Variants in RPS6KC1 observed in about 807,000 individuals in gnomAD.
The protein encoded by RPS6KC1 is ribosomal protein S6 kinase C1.
Under a neutral mutation model 103.8 loss-of-function variants are expected in RPS6KC1, and 54 were observed. That is an observed-to-expected ratio of 0.52 (90% CI 0.42 to 0.65). The LOEUF (loss-of-function observed/expected upper bound fraction) is 0.65. RPS6KC1 is among the 30% of genes least tolerant of loss of function. The probability of loss-of-function intolerance (pLI) is 0.00; values close to 1 mark genes in which losing one functional copy is unlikely to be tolerated. For missense variants in RPS6KC1, 1,151 were observed against 1,253.8 expected, an observed-to-expected ratio of 0.92 and a Z score of 1.24; for synonymous variants, 439 against 438.7, an observed-to-expected ratio of 1.00 and a Z score of -0.01.
At chr1:213,782,955 C>G in the RPS6KC1 span, among the ~76,000 whole-genome samples, 1 of 152,300 alleles carries the variant, frequency 6.6e-6, no homozygotes, top group South Asian at 2.1e-4. Context: ...CAGGCCTCCT[C>G]TGGCTTTCTT....
chr1:213,297,301 G>A, the RPS6KC1 span, among the ~76,000 whole-genome samples: 1 of 152,164 alleles, frequency 6.6e-6, no homozygotes, highest in South Asian at 2.1e-4. Flanking sequence ...TACTACTAGG[G>A]CCATACTAGC....
intron 1 of RPS6KC1, among the ~76,000 whole-genome samples, chr1:213,066,290 A>T (rs2078324991): frequency 6.6e-6 from 1 of 152,240 alleles, no homozygotes; most frequent in African/African-American, 2.4e-5. Context: ...ACCAAAGAGG[A>T]AAGAGAATCA....
intron 12 of RPS6KC1, among the ~76,000 whole-genome samples, chr1:213,260,256 A>G (rs940940974): frequency 6.6e-6 from 1 of 152,180 alleles, no homozygotes; most frequent in Non-Finnish European, 1.5e-5. Context: ...GAGAGCAGCT[A>G]GTTGGAGAAT....
chr1:213,715,877 G>A, the RPS6KC1 span, among the ~76,000 whole-genome samples: 4 of 152,116 alleles, frequency 2.6e-5, no homozygotes, highest in Admixed American at 2.6e-4. Flanking sequence ...ATACAGGCAG[G>A]GAGGGTCCAT....
At chr1:213,451,183 C>T in the RPS6KC1 span, among the ~76,000 whole-genome samples, 1 of 152,314 alleles carries the variant, frequency 6.6e-6, no homozygotes, top group Non-Finnish European at 1.5e-5. Context: ...ACAGTTGTCA[C>T]ATTTCTACAT....
At chr1:213,702,295 A>C in the RPS6KC1 span, among the ~76,000 whole-genome samples, 4 of 151,936 alleles carry the variant, frequency 2.6e-5, no homozygotes, top group African/African-American at 9.7e-5. Context: ...ATATTATTTA[A>C]TTTTTAAAAA....
chr1:213,239,330 T>G (rs2094298488), intron 10 of RPS6KC1, among the ~76,000 whole-genome samples: 2 of 151,058 alleles, frequency 1.3e-5, no homozygotes, highest in African/African-American at 4.9e-5. Flanking sequence ...AGAGTGAGAC[T>G]CTAAGAAAAA....
At chr1:213,084,623 G>C (rs1341705318) in intron 3 of RPS6KC1, among the ~76,000 whole-genome samples, 3 of 152,108 alleles carry the variant, frequency 2.0e-5, no homozygotes, top group Non-Finnish European at 4.4e-5. Flanking sequence ...ACTTTTGTTA[G>C]TTGACCTTTT....
At chr1:213,601,432 A>T in the RPS6KC1 span, among the ~76,000 whole-genome samples, 1 of 147,942 alleles carries the variant, frequency 6.8e-6, no homozygotes, top group African/African-American at 2.5e-5. Flanking sequence ...TTATATATTC[A>T]TAAATATATA....
chr1:213,857,759 G>A, the RPS6KC1 span, among the ~76,000 whole-genome samples: 79 of 152,264 alleles, frequency 5.2e-4, no homozygotes, highest in South Asian at 0.016. Flanking sequence ...ACAGCAGGAC[G>A]TCCTGCTTGG....
the RPS6KC1 span, among the ~76,000 whole-genome samples, chr1:213,758,464 G>A: frequency 6.6e-6 from 1 of 152,014 alleles, no homozygotes; most frequent in Non-Finnish European, 1.5e-5. Flanking sequence ...TGTGATCCCA[G>A]CTACTCAGGA....
At chr1:213,586,791 G>T in the RPS6KC1 span, among the ~76,000 whole-genome samples, 2 of 152,188 alleles carry the variant, frequency 1.3e-5, no homozygotes, top group Non-Finnish European at 2.9e-5. Flanking sequence ...TGTCCTGGGG[G>T]TGACCCTGAG....
intron 1 of RPS6KC1, among the ~76,000 whole-genome samples, chr1:213,057,322 G>A (rs984360533): frequency 6.6e-5 from 10 of 152,174 alleles, no homozygotes; most frequent in African/African-American, 2.4e-4. Context: ...AGGCTGGAAG[G>A]AGGCAGCGCT....
the RPS6KC1 span, among the ~76,000 whole-genome samples, chr1:213,495,415 G>A: frequency 2.8e-4 from 43 of 151,128 alleles, no homozygotes; most frequent in African/African-American, 1.0e-3. Context: ...TCTGCCTCCC[G>A]GGTTCAAGCG....
the RPS6KC1 span, among the ~76,000 whole-genome samples, chr1:213,663,159 T>C: frequency 6.6e-6 from 1 of 152,228 alleles, no homozygotes; most frequent in Admixed American, 6.5e-5. Flanking sequence ...GTATGCAAAG[T>C]GCTTAGCATG....
At chr1:213,498,693 A>T in the RPS6KC1 span, among the ~76,000 whole-genome samples, 1 of 151,224 alleles carries the variant, frequency 6.6e-6, no homozygotes, top group Admixed American at 6.6e-5. Context: ...TGGCTTCATG[A>T]TCTGCCCACC....
chr1:213,248,846 G>A (rs1272003354), intron 12 of RPS6KC1, among the ~76,000 whole-genome samples: 1 of 152,106 alleles, frequency 6.6e-6, no homozygotes, highest in African/African-American at 2.4e-5. Context: ...CAGTTATTTG[G>A]CATCTTAGCA....
chr1:213,425,602 G>C, the RPS6KC1 span, among the ~76,000 whole-genome samples: 2 of 152,054 alleles, frequency 1.3e-5, no homozygotes, highest in Non-Finnish European at 2.9e-5. Flanking sequence ...CATCTGCCTC[G>C]TGTGGAAAAA....
the RPS6KC1 span, among the ~76,000 whole-genome samples, chr1:213,709,884 C>A: frequency 6.6e-6 from 1 of 152,112 alleles, no homozygotes; most frequent in Non-Finnish European, 1.5e-5. Flanking sequence ...GTCTGACAGA[C>A]TTTTTGTTAT....
Sources: gnomAD v4.1 joint callset for allele counts (sites outside exome capture counted in the v4.1 genomes callset) on GRCh38, gnomAD v4.1.1 for gene constraint, MANE v1.5 for transcripts, NCBI Gene and HGNC (gene_info 2026-07-23, HGNC 2026-07-21) for gene names.